DNAH8: variants seen among roughly 807,000 people sequenced by gnomAD.
DNAH8 encodes the protein axonemal beta dynein heavy chain 8.
A neutral mutation model predicts 562.1 loss-of-function variants in DNAH8; 382 were observed. The observed-to-expected ratio is 0.68, with a 90% confidence interval of 0.63 to 0.74. DNAH8 has a LOEUF of 0.74. Among genes scored for constraint, DNAH8 ranks in the 30% least tolerant of loss-of-function variants. The probability of loss-of-function intolerance (pLI) is 0.00; values close to 1 mark genes in which losing one functional copy is unlikely to be tolerated. For synonymous variants in DNAH8, 1,881 were observed against 1,919.4 expected, an observed-to-expected ratio of 0.98 and a Z score of 0.52; for missense variants, 5,203 against 5,620.4, an observed-to-expected ratio of 0.93 and a Z score of 2.37.
rs560361014 is a variant in DNAH8, at chr6:38,762,337, A to G, written c.1617+534A>G. On this transcript the variant is annotated intron_variant, in intron 11 of 92. Coordinates refer to ENST00000327475, the MANE Select transcript of DNAH8 (RefSeq NM_001206927.2). ...ATATATTTATTGAGATGCTTATAGA[A>G]TTTTGCTCCTCAGTCTGTTAATGTG... Among the ~76,000 whole-genome samples the G allele has an allele frequency of 1.4e-3, 215 of 152,286 alleles. 1 individual carries two copies. The highest frequency in any genetic ancestry group is 3.0e-3 in the Admixed American group (46 of 15,294).
chr6:38,855,966 G>A lies in DNAH8; in HGVS notation c.5734-1552G>A, dbSNP rs186329832. Among the ~76,000 whole-genome samples, 237 of 152,242 alleles carry A rather than the reference G, an allele frequency of 1.6e-3. No homozygotes were observed. The Middle Eastern group carries it at 0.024, about 15-fold the overall frequency. On this transcript the variant is annotated intron_variant, in intron 41 of 92. Coordinates refer to ENST00000327475, the MANE Select transcript of DNAH8 (RefSeq NM_001206927.2). ...CTTATGTGAATCTAAAGCATCCTGT[G>A]ACCCCCGTCCATGGAAAAATTGTCT...
intron 3 of DNAH8, among the ~76,000 whole-genome samples, chr6:38,726,464 T>C (rs956231111): frequency 6.6e-6 from 1 of 152,254 alleles, no homozygotes; most frequent in Non-Finnish European, 1.5e-5. Context: ...TTGCTATTCC[T>C]GGGGTATGTC....
intron 42 of DNAH8, among the ~76,000 whole-genome samples, chr6:38,858,679 G>C (rs1246689012): frequency 6.6e-6 from 1 of 152,180 alleles, no homozygotes; most frequent in African/African-American, 2.4e-5. Flanking sequence ...GCATATTGAA[G>C]TTTGAGGAAA....
At chr6:39,021,255 A>G (rs1766900458) in intron 91 of DNAH8, among the ~76,000 whole-genome samples, 1 of 152,168 alleles carries the variant, frequency 6.6e-6, no homozygotes, top group Non-Finnish European at 1.5e-5. Flanking sequence ...CGTCTGTATC[A>G]CCTGGGAGCT....
chr6:38,750,408 C>A, intron 8 of DNAH8, 68 bp from the exon 9 acceptor site: 1 of 980,188 alleles, frequency 1.0e-6, no homozygotes, highest in Non-Finnish European at 1.5e-6. Context: ...GACTGAATTT[C>A]CCGAGTAAAC....
intron 21 of DNAH8, among the ~76,000 whole-genome samples, chr6:38,801,739 G>A (rs1770792392): frequency 6.6e-6 from 1 of 152,188 alleles, no homozygotes; most frequent in South Asian, 2.1e-4. Context: ...TTGGATAGAA[G>A]GAGGGACACC....
intron 85 of DNAH8, among the ~76,000 whole-genome samples, chr6:38,980,886 T>C (rs1227837779): frequency 2.0e-5 from 3 of 152,128 alleles, no homozygotes; most frequent in Non-Finnish European, 4.4e-5. Context: ...CCTTTGAATT[T>C]TCTGAATTCC....
chr6:38,914,037 C>A lies in DNAH8; in HGVS notation c.9963+85C>A, dbSNP rs1002576400. The A allele has an allele frequency of 1.5e-5, 15 of 1,031,550 alleles. No individual in the cohort carries two copies. The African/African-American group carries it at 1.6e-4, about 11-fold the overall frequency. 63.9% of individuals were successfully genotyped at this position (1,031,550 alleles called of 1,614,324 possible). On this transcript the variant is annotated intron_variant, in intron 67 of 92. Transcript: ENST00000327475. Reference sequence around the variant, plus strand: ...TTTTAAAATGGTACTAAAGAACAAGCAGGGTATAAACCCATGGACAATTCC... The same window carrying A: ...TTTTAAAATGGTACTAAAGAACAAGAAGGGTATAAACCCATGGACAATTCC...
chr6:38,974,773 C>T (rs553088941), intron 85 of DNAH8, among the ~76,000 whole-genome samples: 20 of 152,156 alleles, frequency 1.3e-4, no homozygotes, highest in Non-Finnish European at 2.5e-4. Context: ...ACTGTCTTTT[C>T]GTAACTGCTG....
intron 88 of DNAH8, among the ~76,000 whole-genome samples, chr6:38,990,428 A>G (rs567489663): frequency 6.6e-6 from 1 of 152,284 alleles, no homozygotes; most frequent in Admixed American, 6.5e-5. Context: ...CTTCTCTGTC[A>G]TGTCATAAAA....
At chr6:38,825,300 A>G (rs569486573) in intron 28 of DNAH8, among the ~76,000 whole-genome samples, 164 of 152,312 alleles carry the variant, frequency 1.1e-3, no homozygotes, top group African/African-American at 3.6e-3. Context: ...AGAGCGGTGC[A>G]GCCATGTTTC....
At chr6:38,923,242 A>G in intron 72 of DNAH8, 57 bp downstream of exon 72, 2 of 1,596,066 alleles carry the variant, frequency 1.3e-6, no homozygotes, top group Non-Finnish European at 8.5e-7. Context: ...AGAGAACATA[A>G]AGTCCATTTC....
At chr6:39,007,195 C>T (rs930423804) in intron 88 of DNAH8, among the ~76,000 whole-genome samples, 6 of 152,114 alleles carry the variant, frequency 3.9e-5, no homozygotes, top group Non-Finnish European at 7.4e-5. Flanking sequence ...TGCACCATAC[C>T]GTCAGAAATG....
chr6:38,780,198 C>G (rs887987610), intron 15 of DNAH8, 133 bp downstream of exon 15: 3 of 850,172 alleles, frequency 3.5e-6, no homozygotes, highest in Non-Finnish European at 5.4e-6. Context: ...TTGACGCTCC[C>G]TTCTGTGTGG....
intron 7 of DNAH8, 114 bp from the exon 8 acceptor site, chr6:38,741,597 A>G: frequency 1.2e-6 from 1 of 835,048 alleles, no homozygotes; most frequent in Middle Eastern, 3.5e-4. Flanking sequence ...GTTTTTAAAC[A>G]TTATTTGGTA....
chr6:38,883,969 A>G lies in DNAH8; in HGVS notation c.8230A>G (p.Met2744Val). The G allele has an allele frequency of 6.3e-7, 1 of 1,578,100 alleles. No homozygotes were observed. Among genetic ancestry groups the G allele is most frequent in the South Asian group, 1.2e-5 (1 of 84,900 alleles). ...GACTGTATTTATTGATGATATTAAT[A>G]TGCCTGTGATTAATGAGTGGGGAGA... is the stretch of plus-strand genomic sequence containing the variant. ...KMTVFIDDINMPVINEWGDQI... is the reference protein window; with the variant it reads ...KMTVFIDDINVPVINEWGDQI... The change falls in exon 56 of 93, where the codon ATG (methionine) becomes GTG (valine). Residue 2744 changes from methionine (M) to valine (V), a missense_variant. Met to Val is a conservative substitution (Grantham distance 21). Around this residue, in one of 6 missense-constraint regions of DNAH8, gnomAD observed 977 missense variants for 1,061.8 expected, o/e 0.92. Transcript: ENST00000327475.
intron 8 of DNAH8, among the ~76,000 whole-genome samples, chr6:38,748,490 C>G (rs1765146650): frequency 6.6e-6 from 1 of 152,078 alleles, no homozygotes; most frequent in African/African-American, 2.4e-5. Flanking sequence ...TTGTTCAGAG[C>G]ATATTATTTC....
At chr6:38,755,465 A>T (rs578253750) in intron 9 of DNAH8, among the ~76,000 whole-genome samples, 1 of 152,124 alleles carries the variant, frequency 6.6e-6, no homozygotes, top group Non-Finnish European at 1.5e-5. Context: ...ATTTCTTCCA[A>T]TATCTTCAGA....
chr6:38,910,453 GTTTA>G (rs1390570478), intron 65 of DNAH8, among the ~76,000 whole-genome samples: 1 of 152,292 alleles, frequency 6.6e-6, no homozygotes, highest in Admixed American at 6.5e-5. Context: ...CTTCACAAAA[GTTTA>G]TTTATTCCAT....
Sources: gnomAD v4.1 joint callset for allele counts (sites outside exome capture counted in the v4.1 genomes callset) on GRCh38, gnomAD v4.1.1 for gene constraint, gnomAD v4.1.1 regional missense constraint, MANE v1.5 for transcripts, NCBI Gene and HGNC (gene_info 2026-07-23, HGNC 2026-07-21) for gene names.